LRRC14: variants seen among roughly 807,000 people sequenced by gnomAD.
The protein encoded by LRRC14 is leucine-rich repeat-containing protein 14.
Under a neutral mutation model 25.3 loss-of-function variants are expected in LRRC14, and 16 were observed. That is an observed-to-expected ratio of 0.63 (90% CI 0.43 to 0.96). The LOEUF (loss-of-function observed/expected upper bound fraction) is 0.96. Ranked by LOEUF, LRRC14 falls within the 40% of genes least tolerant of loss-of-function variation. The probability of loss-of-function intolerance (pLI) is 0.00; values close to 1 mark genes in which losing one functional copy is unlikely to be tolerated. For missense variants in LRRC14, 594 were observed against 660.5 expected, an observed-to-expected ratio of 0.90 and a Z score of 1.10; for synonymous variants, 359 against 295.1, an observed-to-expected ratio of 1.22 and a Z score of -2.22.
chr8:144,520,506 C>G lies in LRRC14; in HGVS notation c.598C>G (p.Leu200Val). ...GSPLRLCCRD[L>V]RAEDLPMRNT... ...CCCGCTGCGGCTCTGCTGCCGGGACCTGCGAGCTGAGGACCTGCCCATGCG... is the reference window on the plus strand; with the variant it reads ...CCCGCTGCGGCTCTGCTGCCGGGACGTGCGAGCTGAGGACCTGCCCATGCG... Residue 200 changes from leucine (L) to valine (V), a missense_variant, in exon 3 of 4, where the codon CTG becomes GTG. Physicochemically the swap from Leu to Val is conservative, Grantham distance 32 (BLOSUM62 1). Coordinates refer to ENST00000292524, the MANE Select transcript of LRRC14 (RefSeq NM_014665.4). The G allele has an allele frequency of 1.9e-6, 3 of 1,598,900 alleles. No homozygotes were observed. In the South Asian group the frequency reaches 3.3e-5, roughly 18 times the overall value.
At position 144,522,825 on chromosome 8, in the gene LRRC14, C is replaced by T; in HGVS notation, c.*1347C>T. 1.4e-6 allele frequency: 2 copies of T among 1,471,016 alleles called. No individual in the cohort carries two copies. The highest frequency in any genetic ancestry group is 2.6e-5 in the South Asian group (2 of 77,582). 91.1% of individuals were successfully genotyped at this position (1,471,016 alleles called of 1,614,324 possible). On this transcript the variant is annotated 3_prime_UTR_variant, in exon 4 of 4. Transcript: ENST00000292524. The stretch of plus-strand genomic sequence containing the variant: ...GCCGTCTGTGTGGCCACGCCCAGGG[C>T]GCGGAAGGCCATGCTGCCCGCCTCG...
Position 144,524,254 on chromosome 8 carries a change from C to A in LRRC14, c.*2776C>A. 1 of 1,612,482 alleles carries A rather than the reference C, an allele frequency of 6.2e-7. No homozygotes were observed. The highest frequency in any genetic ancestry group is 1.1e-5 in the South Asian group (1 of 91,084). ...TCCTCCAGCAGCTCAATGCTGTTTT[C>A]TTGCAGGTGAAGCTCCTGCAGTCGC... On this transcript the variant is annotated 3_prime_UTR_variant, in exon 4 of 4. Transcript: ENST00000292524.
In LRRC14 at chr8:144,521,169, GT is replaced by G; in HGVS notation, c.1174del (p.Cys392AlafsTer69). On this transcript the variant is annotated frameshift_variant, in exon 4 of 4. Coordinates refer to ENST00000292524, the MANE Select transcript of LRRC14 (RefSeq NM_014665.4). LOFTEE classifies it high-confidence loss of function. ...TGGCCACACTACCCATCCTGACTCA[GT>G]GCGCCAGTCTCCGGTACCTTGGCCT... ...LLATLPILTQ[C>X]ASLRYLGLYG... 6.2e-7 allele frequency: 1 copy of G among 1,613,176 alleles called. No homozygotes were observed. The highest frequency in any genetic ancestry group is 8.5e-7 in the Non-Finnish European group (1 of 1,180,032).
Position 144,523,568 on chromosome 8 carries a change from C to T in LRRC14, c.*2090C>T. On this transcript the variant is annotated 3_prime_UTR_variant, in exon 4 of 4. Transcript: ENST00000292524. ...GCCACCCCTTCCTTGACCCCAAGCT[C>T]CTTGGGGCGGCAGGCCCTTCACCCT... 8.3e-7 allele frequency: 1 copy of T among 1,204,704 alleles called. No homozygotes were observed. Among genetic ancestry groups the T allele is most frequent in the South Asian group, 2.2e-5 (1 of 45,140 alleles). The allele number at this position is 1,204,704 out of a possible 1,614,324, so 74.6% of individuals were successfully genotyped here. A position where few individuals can be genotyped will look rare whatever the true frequency, so the allele number is the denominator to read the frequency against.
In LRRC14 at chr8:144,522,699, C is replaced by T; in HGVS notation, c.*1221C>T. ...TCGTTGACGAACAGCGCTCCCTCCC[C>T]CGGAGGCCCCCGCGCCTTTTTTCGC... On this transcript the variant is annotated 3_prime_UTR_variant, in exon 4 of 4. Coordinates refer to ENST00000292524, the MANE Select transcript of LRRC14 (RefSeq NM_014665.4). The T allele has an allele frequency of 6.3e-7, 1 of 1,596,070 alleles. No homozygotes were observed. The highest frequency in any genetic ancestry group is 8.5e-7 in the Non-Finnish European group (1 of 1,172,438).
rs1815918980 is a variant in LRRC14 at position 144,520,306 on chromosome 8, C to G, written c.398C>G (p.Thr133Ser). The G allele has an allele frequency of 6.2e-7, 1 of 1,612,258 alleles. No homozygotes were observed. The highest frequency in any genetic ancestry group is 1.1e-5 in the South Asian group (1 of 91,090). The change falls in exon 3 of 4, where the codon ACC (threonine) becomes AGC (serine). Residue 133 changes from threonine (T) to serine (S), a missense_variant. Physicochemically the swap from Thr to Ser is moderately conservative, Grantham distance 58 (BLOSUM62 1). Coordinates refer to ENST00000292524, the MANE Select transcript of LRRC14 (RefSeq NM_014665.4). ...LDDGVEQDPG[T>S]MSMWDCTAAV... is the part of the protein sequence containing the mutation. The stretch of plus-strand genomic sequence containing the variant: ...GATGGTGTGGAACAGGATCCTGGCA[C>G]CATGAGCATGTGGGACTGTACTGCT...
In LRRC14 at chr8:144,525,097, C is replaced by T; in HGVS notation, c.*3619C>T. 1 of 1,094,454 alleles carries T rather than the reference C, an allele frequency of 9.1e-7. No homozygotes were observed. The highest frequency in any genetic ancestry group is 1.2e-6 in the Non-Finnish European group (1 of 833,816). 67.8% of individuals were successfully genotyped at this position (1,094,454 alleles called of 1,614,324 possible). ...AGCCAGCCAATAGATGGAATGGAGGCCTGCACCTGCGTCTAACTTTTGACG... is the reference window on the plus strand; with the variant it reads ...AGCCAGCCAATAGATGGAATGGAGGTCTGCACCTGCGTCTAACTTTTGACG... On this transcript the variant is annotated 3_prime_UTR_variant, in exon 4 of 4. Coordinates refer to ENST00000292524, the MANE Select transcript of LRRC14 (RefSeq NM_014665.4).
rs570927630 is a variant in LRRC14, at chr8:144,524,228, G to A, written c.*2750G>A. ...GGGAGGACAGCCCCGCTAGAGCCTGGTCCTCCAGCAGCTCAATGCTGTTTT... is the reference window on the plus strand; with the variant it reads ...GGGAGGACAGCCCCGCTAGAGCCTGATCCTCCAGCAGCTCAATGCTGTTTT... On this transcript the variant is annotated 3_prime_UTR_variant, in exon 4 of 4. Coordinates refer to ENST00000292524, the MANE Select transcript of LRRC14 (RefSeq NM_014665.4). 2 of 1,612,658 alleles carry A rather than the reference G, an allele frequency of 1.2e-6. No homozygotes were observed. The highest frequency in any genetic ancestry group is 1.3e-5 in the African/African-American group (1 of 75,054).
Position 144,522,605 on chromosome 8 carries a change from A to G in LRRC14, c.*1127A>G, listed in dbSNP as rs1225116509. On this transcript the variant is annotated 3_prime_UTR_variant, in exon 4 of 4. Coordinates refer to ENST00000292524, the MANE Select transcript of LRRC14 (RefSeq NM_014665.4). The stretch of plus-strand genomic sequence containing the variant: ...GAGCGGCTTGGAGCGGTTGATGACG[A>G]ACATCTCGTGGCCGCGCTCGTCGCG... 2 of 1,570,194 alleles carry G rather than the reference A, an allele frequency of 1.3e-6. No homozygotes were observed. Among genetic ancestry groups the G allele is most frequent in the Non-Finnish European group, 8.6e-7 (1 of 1,160,708 alleles).
At chr8:144,520,086 G>T in intron 2 of LRRC14, 32 bp downstream of exon 2, 1 of 1,588,484 alleles carries the variant, frequency 6.3e-7, no homozygotes, top group South Asian at 1.1e-5. Flanking sequence ...CGTCAGGCCA[G>T]GGGTGTGTAA....
chr8:144,522,504 G>T lies in LRRC14; in HGVS notation c.*1026G>T, dbSNP rs201876347. On this transcript the variant is annotated 3_prime_UTR_variant, in exon 4 of 4. Transcript: ENST00000292524. ...CAGTGGATCTCGTAGGCGACCGGCG[G>T]GGGCACGCGGAGTCCCGGCCCCGCC... 1.3e-6 allele frequency: 2 copies of T among 1,497,622 alleles called. No homozygotes were observed. The allele number at this position is 1,497,622 out of a possible 1,614,324, so 92.8% of individuals were successfully genotyped here.
At chr8:144,518,991 T>C (rs1815718207) in intron 1 of LRRC14, among the ~76,000 whole-genome samples, 1 of 152,240 alleles carries the variant, frequency 6.6e-6, no homozygotes, top group South Asian at 2.1e-4. Context: ...AGGCCAGTGG[T>C]AAGGGCCAAC....
In LRRC14 at chr8:144,522,392, C is replaced by T; in HGVS notation, c.*914C>T. ...CACACACGGCTCAGCGCACACTGCGCGGCTTCCACCTTTACTGACGGAGCA... is the reference window on the plus strand; with the variant it reads ...CACACACGGCTCAGCGCACACTGCGTGGCTTCCACCTTTACTGACGGAGCA... On this transcript the variant is annotated 3_prime_UTR_variant, in exon 4 of 4. Coordinates refer to ENST00000292524, the MANE Select transcript of LRRC14 (RefSeq NM_014665.4). The T allele has an allele frequency of 2.9e-6, 4 of 1,363,598 alleles. No homozygotes were observed. The highest frequency in any genetic ancestry group is 1.7e-5 in the South Asian group (1 of 57,798). The allele number at this position is 1,363,598 out of a possible 1,614,324, so 84.5% of individuals were successfully genotyped here.
chr8:144,524,222 A>G lies in LRRC14; in HGVS notation c.*2744A>G, dbSNP rs1012446844. ...GTGCTAGGGAGGACAGCCCCGCTAG[A>G]GCCTGGTCCTCCAGCAGCTCAATGC... On this transcript the variant is annotated 3_prime_UTR_variant, in exon 4 of 4. Transcript: ENST00000292524. 2 of 1,612,650 alleles carry G rather than the reference A, an allele frequency of 1.2e-6. No homozygotes were observed. Among genetic ancestry groups the G allele is most frequent in the Non-Finnish European group, 1.7e-6 (2 of 1,179,940 alleles).
Position 144,521,037 on chromosome 8 carries a change from C to T in LRRC14, c.1041C>T (p.Asp347=). 1 of 1,613,086 alleles carries T rather than the reference C, an allele frequency of 6.2e-7. No homozygotes were observed. Among genetic ancestry groups the T allele is most frequent in the Admixed American group, 1.7e-5 (1 of 60,024 alleles). The change falls in exon 4 of 4, where the codon GAC becomes GAT. Residue 347 remains aspartate, a synonymous_variant. Transcript: ENST00000292524. ...AGAAGTTGGACCTGAGTGGTAACGACCTGTCTGGCAGCCAGCTGGCACCCT... is the reference window on the plus strand; with the variant it reads ...AGAAGTTGGACCTGAGTGGTAACGATCTGTCTGGCAGCCAGCTGGCACCCT... ...HLKKLDLSGN[D]LSGSQLAPFQ... is the part of the protein sequence containing the mutation.
chr8:144,521,192 G>C lies in LRRC14; in HGVS notation c.1196G>C (p.Gly399Ala). 1.2e-6 allele frequency: 2 copies of C among 1,613,232 alleles called. No homozygotes were observed. Among genetic ancestry groups the C allele is most frequent in the Non-Finnish European group, 1.7e-6 (2 of 1,180,028 alleles). ...LTQCASLRYL[G>A]LYGNPLSMAG... ...CAGTGCGCCAGTCTCCGGTACCTTGGCCTCTATGGCAACCCACTGTCCATG... is the reference window on the plus strand; with the variant it reads ...CAGTGCGCCAGTCTCCGGTACCTTGCCCTCTATGGCAACCCACTGTCCATG... Residue 399 changes from glycine to alanine, a missense_variant, in exon 4 of 4, where the codon GGC becomes GCC. Gly to Ala is a moderately conservative substitution (Grantham distance 60). Transcript: ENST00000292524.
Position 144,522,920 on chromosome 8 carries a change from C to A in LRRC14, c.*1442C>A. ...TTGCGCGGGCTGCTGCGGCTGCTGC[C>A]GGGACGCGTTGACCAGGAGCCGGAA... is the stretch of plus-strand genomic sequence containing the variant. On this transcript the variant is annotated 3_prime_UTR_variant, in exon 4 of 4. Transcript: ENST00000292524. 6.9e-7 allele frequency: 1 copy of A among 1,457,972 alleles called. No individual in the cohort carries two copies. Among genetic ancestry groups the A allele is most frequent in the South Asian group, 1.4e-5 (1 of 73,318 alleles). 90.3% of individuals were successfully genotyped at this position (1,457,972 alleles called of 1,614,324 possible).
At position 144,523,816 on chromosome 8, in the gene LRRC14, T is replaced by TG. The variant is rs1273140888; in HGVS notation, c.*2339dup. ...GGGAATGTCCCCAGTCCTGGTCAGC[T>TG]GTCTCTCTCCTTTGCAATTTTGTCT... On this transcript the variant is annotated 3_prime_UTR_variant, in exon 4 of 4. Transcript: ENST00000292524. 1 of 465,176 alleles carries TG rather than the reference T, an allele frequency of 2.1e-6. No individual in the cohort carries two copies. Among genetic ancestry groups the TG allele is most frequent in the East Asian group, 3.6e-5 (1 of 27,996 alleles). 28.8% of individuals were successfully genotyped at this position (465,176 alleles called of 1,614,324 possible).
Position 144,520,586 on chromosome 8 carries a change from C to G in LRRC14, c.678C>G (p.Asp226Glu). Residue 226 changes from aspartate (D) to glutamate (E), a missense_variant, in exon 3 of 4, where the codon GAC becomes GAG. Transcript: ENST00000292524. ...ATGCAGGCTGCCTGCGCCGCGTGGA[C>G]CTGCGCTTCAACAATCTGGGCCTGC... The part of the protein sequence containing the change: ...LLDAGCLRRV[D>E]LRFNNLGLRG... The G allele has an allele frequency of 6.2e-7, 1 of 1,600,828 alleles. No homozygotes were observed. Among genetic ancestry groups the G allele is most frequent in the Non-Finnish European group, 8.5e-7 (1 of 1,179,944 alleles).
Sources: gnomAD v4.1 joint callset for allele counts (sites outside exome capture counted in the v4.1 genomes callset) on GRCh38, gnomAD v4.1.1 for gene constraint, MANE v1.5 for transcripts, NCBI Gene and HGNC (gene_info 2026-07-23, HGNC 2026-07-21) for gene names.